Variants in TNKS2 observed in about 807,000 individuals in gnomAD.
The protein encoded by TNKS2 is tankyrase 2, also known as poly [ADP-ribose] polymerase tankyrase-2.
A neutral mutation model predicts 137.6 loss-of-function variants in TNKS2; 72 were observed. The ratio of observed to expected loss-of-function variants is 0.52; its 90% CI spans 0.43 to 0.64. The LOEUF is 0.64. TNKS2 is among the 30% of genes least tolerant of loss of function. The pLI is 0.00. For missense variants in TNKS2, 1,049 were observed against 1,410.2 expected (o/e 0.74, Z 4.10); for synonymous variants, 516 against 512.1 (o/e 1.01, Z -0.10).
intron 2 of TNKS2, among the ~76,000 whole-genome samples, chr10:91,813,603 G>T (rs1844578099): frequency 6.6e-6 from 1 of 152,196 alleles, no homozygotes; most frequent in South Asian, 2.1e-4. Context: ...GGTTAAAAAG[G>T]TAGGTGGGGA....
chr10:91,837,872 C>T (rs1842077677), intron 13 of TNKS2, among the ~76,000 whole-genome samples: 1 of 151,960 alleles, frequency 6.6e-6, no homozygotes, highest in Admixed American at 6.6e-5. Context: ...TATTTTGATC[C>T]TCATTATTCT....
chr10:91,827,260 T>C, intron 8 of TNKS2, 57 bp downstream of exon 8: 2 of 1,282,696 alleles, frequency 1.6e-6, no homozygotes, highest in East Asian at 5.5e-5. Flanking sequence ...ACTGAACATT[T>C]TTTCTTTCCT....
chr10:91,812,377 A>G (rs985422939), intron 1 of TNKS2, among the ~76,000 whole-genome samples: 1 of 152,182 alleles, frequency 6.6e-6, no homozygotes, highest in Admixed American at 6.6e-5. Flanking sequence ...GAAAGAAGTT[A>G]TATATGCGTT....
intron 7 of TNKS2, among the ~76,000 whole-genome samples, chr10:91,824,711 ATAAC>A (rs1366834434): frequency 6.6e-6 from 1 of 152,246 alleles, no homozygotes; most frequent in Non-Finnish European, 1.5e-5. Flanking sequence ...GCTGGGAAGG[ATAAC>A]TAATATTCAA....
At chr10:91,816,074 G>A (rs149590572) in intron 2 of TNKS2, among the ~76,000 whole-genome samples, 8,896 of 150,396 alleles carry the variant, frequency 0.059, 288 homozygotes, top group Non-Finnish European at 0.067. Flanking sequence ...TCAGCCTCTC[G>A]AGTAGCTAGG....
chr10:91,846,011 A>G, intron 18 of TNKS2, 71 bp downstream of exon 18: 1 of 1,360,418 alleles, frequency 7.4e-7, no homozygotes, highest in Non-Finnish European at 9.7e-7. Flanking sequence ...TGTTATTATA[A>G]AATGTCTTTA....
chr10:91,806,047 T>C lies in TNKS2; in HGVS notation c.200-6936T>C, dbSNP rs1263171516. ...TCTGCAATGCCATTCTTTCTCTTTT[T>C]TTTTTTTTTTTTTTTATATTTTATC... On this transcript the variant is annotated intron_variant, in intron 1 of 26. Transcript: ENST00000371627. Among the ~76,000 whole-genome samples, 24 of 142,908 alleles carry C rather than the reference T, an allele frequency of 1.7e-4. No homozygotes were observed. The South Asian group carries it at 3.6e-3, about 22-fold the overall frequency. 93.8% of individuals were successfully genotyped at this position (142,908 alleles called of 152,430 possible).
Position 91,812,991 on chromosome 10 carries a change from C to T in TNKS2, c.208C>T (p.Arg70Trp), listed in dbSNP as rs1219601686. 5 of 1,613,604 alleles carry T rather than the reference C, an allele frequency of 3.1e-6. No individual in the cohort carries two copies. Among genetic ancestry groups the T allele is most frequent in the Non-Finnish European group, 4.2e-6 (5 of 1,179,870 alleles). The change falls in exon 2 of 27, where the codon CGG becomes TGG. Residue 70 changes from arginine (R) to tryptophan (W), a missense_variant. Coordinates refer to ENST00000371627, the MANE Select transcript of TNKS2 (RefSeq NM_025235.4). ...TPLHFAAGFG[R>W]KDVVEYLLQN... is the part of the protein sequence containing the mutation. ...AATTTGTTTTCATCTAGGTTTTGGGCGGAAAGACGTAGTTGAATATTTGCT... is the reference window on the plus strand; with the variant it reads ...AATTTGTTTTCATCTAGGTTTTGGGTGGAAAGACGTAGTTGAATATTTGCT...
At chr10:91,828,220 T>C in intron 8 of TNKS2, 65 bp from the exon 9 acceptor site, 1 of 1,357,482 alleles carries the variant, frequency 7.4e-7, no homozygotes, top group African/African-American at 1.5e-5. Flanking sequence ...AAATACTAGA[T>C]GTCTTTTAGA....
intron 18 of TNKS2, among the ~76,000 whole-genome samples, chr10:91,847,092 G>A (rs2133663182): frequency 6.6e-6 from 1 of 152,142 alleles, no homozygotes; most frequent in East Asian, 1.9e-4. Flanking sequence ...CATGGTATCA[G>A]GTACATAAAA....
intron 2 of TNKS2, 86 bp downstream of exon 2, chr10:91,813,293 A>G: frequency 8.9e-7 from 1 of 1,120,166 alleles, no homozygotes; most frequent in East Asian, 2.5e-5. Flanking sequence ...TCATCAAATT[A>G]TGTCAAGCTG....
chr10:91,844,459 C>T (rs1842304705), intron 16 of TNKS2, among the ~76,000 whole-genome samples: 1 of 152,258 alleles, frequency 6.6e-6, no homozygotes, highest in South Asian at 2.1e-4. Flanking sequence ...TTGTGGCCTT[C>T]TGGGGAAGAG....
At chr10:91,813,676 G>A (rs1313217055) in intron 2 of TNKS2, among the ~76,000 whole-genome samples, 3 of 152,178 alleles carry the variant, frequency 2.0e-5, no homozygotes, top group East Asian at 3.9e-4. Context: ...TGCAGGCAGT[G>A]TAGAATATTT....
intron 12 of TNKS2, among the ~76,000 whole-genome samples, chr10:91,835,592 CTTTT>C (rs35247985): frequency 0.023 from 2,536 of 109,422 alleles, 64 homozygotes; most frequent in African/African-American, 0.083. Context: ...CCCGGCCTTT[CTTTT>C]TTTTTTTTTT....
At position 91,841,268 on chromosome 10, in the gene TNKS2, T is replaced by C. The variant is rs1216025032; in HGVS notation, c.1674-15T>C. 2 of 1,509,546 alleles carry C rather than the reference T, an allele frequency of 1.3e-6. No individual in the cohort carries two copies. The highest frequency in any genetic ancestry group is 8.8e-7 in the Non-Finnish European group (1 of 1,130,350). 93.5% of individuals were successfully genotyped at this position (1,509,546 alleles called of 1,614,324 possible). Reference sequence around the variant, plus strand: ...TGTTCTTCTGTGGCATTATTGTTCATTTATTACTTTTCAGAGGCCTTGTAC... The same window carrying C: ...TGTTCTTCTGTGGCATTATTGTTCACTTATTACTTTTCAGAGGCCTTGTAC... On this transcript the variant is annotated splice_polypyrimidine_tract_variant and intron_variant, in intron 14 of 26. Coordinates refer to ENST00000371627, the MANE Select transcript of TNKS2 (RefSeq NM_025235.4).
In TNKS2 at chr10:91,819,302, GC is replaced by G; in HGVS notation, c.555del (p.Arg186GlyfsTer8). ...TAAGAAAGATGAACTCTTAGAAAGTGCCAGGTACGTACTAATGTTATAAATA... is the reference window on the plus strand; with the variant it reads ...TAAGAAAGATGAACTCTTAGAAAGTGCAGGTACGTACTAATGTTATAAATA... The part of the protein sequence containing the change: ...EYKKDELLES[A>X]RSGNEEKMMA... On this transcript the variant is annotated frameshift_variant, in exon 4 of 27. Coordinates refer to ENST00000371627, the MANE Select transcript of TNKS2 (RefSeq NM_025235.4). LOFTEE classifies it high-confidence loss of function. The G allele has an allele frequency of 6.9e-7, 1 of 1,458,886 alleles. No individual in the cohort carries two copies. Among genetic ancestry groups the G allele is most frequent in the Non-Finnish European group, 9.1e-7 (1 of 1,100,724 alleles). The allele number at this position is 1,458,886 out of a possible 1,614,324, so 90.4% of individuals were successfully genotyped here. A position where few individuals can be genotyped will look rare whatever the true frequency, so the allele number is the denominator to read the frequency against.
At chr10:91,802,653 A>G (rs749613514) in intron 1 of TNKS2, among the ~76,000 whole-genome samples, 20 of 152,248 alleles carry the variant, frequency 1.3e-4, no homozygotes, top group Non-Finnish European at 2.4e-4. Flanking sequence ...TGTGATTGCC[A>G]TTCATATCTT....
chr10:91,823,375 T>G (rs1234974414), intron 7 of TNKS2, among the ~76,000 whole-genome samples: 1 of 130,558 alleles, frequency 7.7e-6, no homozygotes, highest in Non-Finnish European at 1.6e-5. Context: ...TCGCCCAGGC[T>G]GGAGTGCAGT....
At chr10:91,812,434 A>G (rs1164533051) in intron 1 of TNKS2, among the ~76,000 whole-genome samples, 2 of 152,186 alleles carry the variant, frequency 1.3e-5, no homozygotes, top group African/African-American at 4.8e-5. Flanking sequence ...TGGATTTCAT[A>G]CTTTTGCCTG....
Sources: allele counts gnomAD v4.1 joint callset (sites outside exome capture counted in the v4.1 genomes callset), GRCh38; gene constraint gnomAD v4.1.1; transcripts MANE v1.5; gene names NCBI Gene and HGNC (gene_info 2026-07-23, HGNC 2026-07-21).